TTC27: variants seen among roughly 807,000 people sequenced by gnomAD.
The protein encoded by TTC27 is tetratricopeptide repeat protein 27.
In TTC27, 79 loss-of-function variants were observed where a neutral mutation model predicts 115.9. The ratio of observed to expected loss-of-function variants is 0.68; its 90% CI spans 0.57 to 0.82. The LOEUF is 0.82. Among genes scored for constraint, TTC27 ranks in the 40% least tolerant of loss-of-function variants. The probability of loss-of-function intolerance (pLI) is 0.00; values close to 1 mark genes in which losing one functional copy is unlikely to be tolerated. For missense variants in TTC27, 1,054 were observed against 993.1 expected (o/e 1.06, Z -0.82); for synonymous variants, 401 against 356.0 (o/e 1.13, Z -1.42).
intron 10 of TTC27, among the ~76,000 whole-genome samples, chr2:32,724,420 C>T (rs1031814189): frequency 6.6e-6 from 1 of 151,988 alleles, no homozygotes; most frequent in Non-Finnish European, 1.5e-5. Context: ...TTGTCAAAAT[C>T]AAGGTGGGGC....
At chr2:32,804,056 A>C (rs1263356642) in intron 16 of TTC27, among the ~76,000 whole-genome samples, 1 of 152,066 alleles carries the variant, frequency 6.6e-6, no homozygotes, top group Non-Finnish European at 1.5e-5. Flanking sequence ...GAAAGGAAAT[A>C]TATTTAGTCA....
intron 11 of TTC27, among the ~76,000 whole-genome samples, chr2:32,734,295 C>G (rs62133874): frequency 0.36 from 54,514 of 151,772 alleles, 10,307 homozygotes; most frequent in Non-Finnish European, 0.41. Context: ...CAGCCTTGAA[C>G]CCCTGGGCTT....
At chr2:32,766,396 T>C in intron 13 of TTC27, 1 of 278,316 alleles carries the variant, frequency 3.6e-6, no homozygotes, top group Non-Finnish European at 7.4e-6. Context: ...TGTGTGACTC[T>C]TCCTTTTACT....
At chr2:32,786,287 G>A (rs1248126704) in intron 15 of TTC27, among the ~76,000 whole-genome samples, 1 of 151,920 alleles carries the variant, frequency 6.6e-6, no homozygotes, top group African/African-American at 2.4e-5. Context: ...ATGCCCAGCT[G>A]CTTTTTTTGT....
chr2:32,640,261 T>G lies in TTC27; in HGVS notation c.397-9T>G, dbSNP rs1304813493. On this transcript the variant is annotated splice_polypyrimidine_tract_variant and intron_variant, in intron 3 of 19. Transcript: ENST00000317907. ...ATTATATCATCTTAGTTTATAATCC[T>G]TTTTTCAGGTTAAAGGACTGGATGC... 9 of 1,606,730 alleles carry G rather than the reference T, an allele frequency of 5.6e-6. No individual in the cohort carries two copies. Among genetic ancestry groups the G allele is most frequent in the East Asian group, 2.2e-5 (1 of 44,838 alleles).
chr2:32,691,109 G>A (rs1461082426), intron 9 of TTC27, among the ~76,000 whole-genome samples: 1 of 152,112 alleles, frequency 6.6e-6, no homozygotes, highest in South Asian at 2.1e-4. Context: ...TTTGAAACGT[G>A]CAGTGACAAG....
chr2:32,805,331 A>G (rs1204224009), intron 16 of TTC27, among the ~76,000 whole-genome samples: 1 of 152,208 alleles, frequency 6.6e-6, no homozygotes, highest in African/African-American at 2.4e-5. Flanking sequence ...CATTGTTTTC[A>G]TCTCCTCATC....
chr2:32,646,432 G>A (rs1411255529), intron 4 of TTC27, among the ~76,000 whole-genome samples: 2 of 152,064 alleles, frequency 1.3e-5, no homozygotes, highest in African/African-American at 2.4e-5. Flanking sequence ...GCTTCCCAAA[G>A]TGCTGGGATT....
At chr2:32,786,036 G>A (rs1168246388) in intron 15 of TTC27, among the ~76,000 whole-genome samples, 2 of 151,760 alleles carry the variant, frequency 1.3e-5, no homozygotes, top group Non-Finnish European at 2.9e-5. Flanking sequence ...GTCTCTTTCA[G>A]TATTCTAAAC....
intron 16 of TTC27, among the ~76,000 whole-genome samples, chr2:32,809,634 G>T (rs528322977): frequency 6.6e-6 from 1 of 152,266 alleles, no homozygotes; most frequent in Admixed American, 6.5e-5. Context: ...TGGTTCTTTT[G>T]CTGTCCCACC....
intron 6 of TTC27, 49 bp from the exon 7 acceptor site, chr2:32,666,586 A>G (rs1319203891): frequency 1.3e-6 from 2 of 1,598,682 alleles, no homozygotes; most frequent in Non-Finnish European, 1.7e-6. Context: ...ATGACTGTAC[A>G]GTAGATCTCA....
At chr2:32,663,875 G>C (rs1665656276) in intron 5 of TTC27, among the ~76,000 whole-genome samples, 2 of 152,040 alleles carry the variant, frequency 1.3e-5, no homozygotes, top group Non-Finnish European at 1.5e-5. Context: ...AGTAGAGATG[G>C]GGTTTCACCA....
At chr2:32,728,967 A>G (rs1668202438) in intron 10 of TTC27, among the ~76,000 whole-genome samples, 1 of 148,694 alleles carries the variant, frequency 6.7e-6, no homozygotes, top group Non-Finnish European at 1.5e-5. Context: ...GATTATATAC[A>G]TATTTTTATA....
At chr2:32,795,822 AC>A (rs1248116752) in intron 16 of TTC27, among the ~76,000 whole-genome samples, 1 of 151,252 alleles carries the variant, frequency 6.6e-6, no homozygotes. Context: ...TAGGTGATCC[AC>A]CCACCTTGAC....
At chr2:32,723,713 TC>T (rs1668004623) in intron 10 of TTC27, among the ~76,000 whole-genome samples, 2 of 31,612 alleles carry the variant, frequency 6.3e-5, no homozygotes, top group Admixed American at 3.6e-4. Context: ...CCTCCCTCCC[TC>T]CCTCCCTCCC....
intron 10 of TTC27, among the ~76,000 whole-genome samples, chr2:32,731,951 G>GT: frequency 6.6e-6 from 1 of 151,936 alleles, no homozygotes; most frequent in South Asian, 2.1e-4. Context: ...ACAACCATGA[G>GT]TTTTTTGAAA....
chr2:32,736,546 C>T (rs1175834023), intron 11 of TTC27, 148 bp from the exon 12 acceptor site: 4 of 832,804 alleles, frequency 4.8e-6, no homozygotes, highest in Admixed American at 6.0e-5. Context: ...TGAATTATTA[C>T]AAACTTCTAA....
intron 8 of TTC27, among the ~76,000 whole-genome samples, chr2:32,676,162 C>T (rs1162840005): frequency 2.0e-5 from 3 of 151,982 alleles, no homozygotes; most frequent in Non-Finnish European, 4.4e-5. Flanking sequence ...CTTCCCTAGA[C>T]TCTTGCTGTT....
intron 13 of TTC27, among the ~76,000 whole-genome samples, chr2:32,777,170 T>C (rs1046882802): frequency 1.3e-5 from 2 of 152,262 alleles, no homozygotes; most frequent in African/African-American, 4.8e-5. Context: ...GCAGTTTGGC[T>C]CTTGGTTAAG....
Sources: allele counts gnomAD v4.1 joint callset (sites outside exome capture counted in the v4.1 genomes callset), GRCh38; gene constraint gnomAD v4.1.1; transcripts MANE v1.5; gene names NCBI Gene and HGNC (gene_info 2026-07-23, HGNC 2026-07-21).